PCNX1: variants seen among roughly 807,000 people sequenced by gnomAD.
PCNX1 encodes pecanex-like protein 1.
Under a neutral mutation model 242.2 loss-of-function variants are expected in PCNX1, and 78 were observed. The observed-to-expected ratio is 0.32, with a 90% CI of 0.27 to 0.39. The LOEUF (loss-of-function observed/expected upper bound fraction) is 0.39, where lower values mean the gene tolerates loss of function less well. Among genes scored for constraint, PCNX1 ranks in the 10% least tolerant of loss-of-function variants. The probability of loss-of-function intolerance (pLI) is 1.00; values close to 1 mark genes in which losing one functional copy is unlikely to be tolerated. For synonymous variants in PCNX1, 1,024 were observed against 1,032.9 expected (o/e 0.99, Z 0.17); for missense variants, 2,581 against 2,856.5 (o/e 0.90, Z 2.20).
At chr14:70,915,473 C>T (rs1457880607) in intron 1 of PCNX1, among the ~76,000 whole-genome samples, 1 of 152,108 alleles carries the variant, frequency 6.6e-6, no homozygotes, top group South Asian at 2.1e-4. Flanking sequence ...GTTTTAAATA[C>T]TACTTTGATT....
At chr14:71,049,813 G>A (rs908817944) in intron 22 of PCNX1, among the ~76,000 whole-genome samples, 1 of 152,174 alleles carries the variant, frequency 6.6e-6, no homozygotes, top group Non-Finnish European at 1.5e-5. Context: ...TATTTTAAAG[G>A]ATGAGGTGAT....
intron 11 of PCNX1, among the ~76,000 whole-genome samples, chr14:71,017,211 T>C (rs1047019502): frequency 6.6e-6 from 1 of 152,204 alleles, no homozygotes; most frequent in African/African-American, 2.4e-5. Context: ...CTTACATCTA[T>C]TAAATAAGTG....
In PCNX1 at chr14:70,907,580, G is replaced by T; in HGVS notation, c.-271G>T. On this transcript the variant is annotated 5_prime_UTR_variant, in exon 1 of 36. The change abolishes an upstream ATG in the 5' untranslated region. Coordinates refer to ENST00000304743, the MANE Select transcript of PCNX1 (RefSeq NM_014982.3). Reference sequence around the variant, plus strand: ...GGCTCCGGGTGTTAGGAGACAAGATGGCGGCGGCTCTCAGAAGGCCGGTCT... The same window carrying T: ...GGCTCCGGGTGTTAGGAGACAAGATTGCGGCGGCTCTCAGAAGGCCGGTCT... 1 of 200,320 alleles carries T rather than the reference G, an allele frequency of 5.0e-6. No individual in the cohort carries two copies. The highest frequency in any genetic ancestry group is 1.6e-4 in the South Asian group (1 of 6,152). 12.4% of individuals were successfully genotyped at this position (200,320 alleles called of 1,614,324 possible).
chr14:70,949,426 C>A (rs1464825449), intron 2 of PCNX1, among the ~76,000 whole-genome samples: 1 of 150,556 alleles, frequency 6.6e-6, no homozygotes, highest in African/African-American at 2.4e-5. Context: ...TACATATATA[C>A]ACGTATATAT....
At chr14:71,087,292 A>G (rs1469339817) in intron 28 of PCNX1, among the ~76,000 whole-genome samples, 1 of 152,208 alleles carries the variant, frequency 6.6e-6, no homozygotes, top group Non-Finnish European at 1.5e-5. Context: ...TGTAAGAGGT[A>G]ATATGTCTTT....
At chr14:70,961,486 A>C (rs575090302) in intron 2 of PCNX1, among the ~76,000 whole-genome samples, 11 of 152,246 alleles carry the variant, frequency 7.2e-5, no homozygotes, top group Admixed American at 1.3e-4. Context: ...AAACTGGATC[A>C]CTTCCTTACA....
Position 70,977,370 on chromosome 14 carries a change from T to C in PCNX1, c.1033T>C (p.Leu345=), listed in dbSNP as rs138233171. 924 of 1,614,152 alleles carry C rather than the reference T, an allele frequency of 5.7e-4. 6 individuals carry two copies. The African/African-American group carries it at 0.011, about 19-fold the overall frequency. ...LSGEFQLAGD[L]KINTSQPPTK... ...TGGGGAATTTCAGCTTGCTGGTGAC[T>C]TGAAAATCAATACTTCTCAGCCACC... Residue 345 remains leucine, a synonymous_variant, in exon 6 of 36, where the codon TTG becomes CTG. Transcript: ENST00000304743.
Position 70,974,483 on chromosome 14 carries a change from G to C in PCNX1, c.605-2459G>C, listed in dbSNP as rs79713351. ...TTTCTCATGTTATTACATAATCTTT[G>C]AAAATGTTTTTAGTGCCTGTATGAA... is the stretch of plus-strand genomic sequence containing the variant. On this transcript the variant is annotated intron_variant, in intron 5 of 35. Transcript: ENST00000304743. Among the ~76,000 whole-genome samples, 261 of 152,142 alleles carry C rather than the reference G, an allele frequency of 1.7e-3. 7 individuals are homozygous for C. The East Asian group carries it at 0.047, about 28-fold the overall frequency.
chr14:71,065,485 ATTTG>A (rs1294749741), intron 26 of PCNX1, among the ~76,000 whole-genome samples: 2 of 151,832 alleles, frequency 1.3e-5, no homozygotes, highest in African/African-American at 4.8e-5. Flanking sequence ...TTTCTTGTAG[ATTTG>A]TTTAAGTTAT....
rs1401368833 is a variant in PCNX1, at chr14:71,023,294, G to GTTTGTTT, written c.3183+73_3183+79dup. The GTTTGTTT allele has an allele frequency of 2.3e-6, 3 of 1,324,334 alleles. No individual in the cohort carries two copies. The African/African-American group carries it at 4.4e-5, about 19-fold the overall frequency. The allele number at this position is 1,324,334 out of a possible 1,614,324, so 82.0% of individuals were successfully genotyped here. On this transcript the variant is annotated intron_variant, in intron 13 of 35. Transcript: ENST00000304743. ...CTTAACATTTATCATAATATTTGTG[G>GTTTGTTT]TTTGTTTTTTGTTTTTTTGTTTTGT... is the stretch of plus-strand genomic sequence containing the variant.
intron 15 of PCNX1, chr14:71,027,095 A>G (rs933409155): frequency 1.9e-5 from 8 of 416,602 alleles, no homozygotes; most frequent in East Asian, 4.3e-5. Flanking sequence ...GCCAGGTATA[A>G]TGAAGCAGAT....
rs564464903 is a variant in PCNX1 at position 70,984,628 on chromosome 14, C to T, written c.2312-3939C>T. Among the ~76,000 whole-genome samples, 15 of 151,936 alleles carry T rather than the reference C, an allele frequency of 9.9e-5. 1 individual carries two copies. In the East Asian group the frequency reaches 1.7e-3, roughly 18 times the overall value. On this transcript the variant is annotated intron_variant, in intron 6 of 35. Coordinates refer to ENST00000304743, the MANE Select transcript of PCNX1 (RefSeq NM_014982.3). ...GTCTCAGTCTCCTGACCTTGTGATCCGCCTGGCTCGGCCTCCCAAAGTGCT... is the reference window on the plus strand; with the variant it reads ...GTCTCAGTCTCCTGACCTTGTGATCTGCCTGGCTCGGCCTCCCAAAGTGCT...
chr14:70,947,206 G>C, intron 2 of PCNX1, 83 bp downstream of exon 2: 2 of 1,046,642 alleles, frequency 1.9e-6, no homozygotes, highest in Non-Finnish European at 2.9e-6. Flanking sequence ...TATTGTACTT[G>C]TTTTCTTTAT....
Position 71,073,600 on chromosome 14 carries a change from T to C in PCNX1, c.4908T>C (p.Asp1636=), listed in dbSNP as rs777135658. The change falls in exon 27 of 36, where the codon GAT becomes GAC. Residue 1636 remains aspartate (D), a synonymous_variant. Transcript: ENST00000304743. ...CCATTACTGAAGGTGTAGAGGAAGA[T>C]GAAGGATTTTGCTGTTGTGAACCTG... is the stretch of plus-strand genomic sequence containing the variant. ...VEAITEGVEE[D]EGFCCCEPGH... 1.2e-6 allele frequency: 2 copies of C among 1,613,952 alleles called. No homozygotes were observed. The highest frequency in any genetic ancestry group is 2.2e-5 in the South Asian group (2 of 91,076).
chr14:71,000,800 A>G (rs2059483177), intron 8 of PCNX1, among the ~76,000 whole-genome samples: 1 of 152,180 alleles, frequency 6.6e-6, no homozygotes, highest in African/African-American at 2.4e-5. Context: ...TGCTGGGATT[A>G]TAGGCATGAG....
chr14:71,014,666 T>G (rs1162115009), intron 11 of PCNX1, among the ~76,000 whole-genome samples: 1 of 149,058 alleles, frequency 6.7e-6, no homozygotes, highest in Non-Finnish European at 1.5e-5. Context: ...GGCATAATAA[T>G]GGAAACTATC....
chr14:70,979,850 T>C (rs1473582477), intron 6 of PCNX1, among the ~76,000 whole-genome samples: 3 of 152,120 alleles, frequency 2.0e-5, no homozygotes, highest in Admixed American at 6.5e-5. Context: ...AAGAAGAATA[T>C]AGTTTATCAA....
chr14:71,076,455 G>T, intron 28 of PCNX1, 36 bp downstream of exon 28: 2 of 1,394,178 alleles, frequency 1.4e-6, no homozygotes, highest in African/African-American at 1.4e-5. Flanking sequence ...TTTGAATCCA[G>T]GTTTTTCCAA....
chr14:70,949,185 C>T (rs1039337520), intron 2 of PCNX1, among the ~76,000 whole-genome samples: 3 of 131,160 alleles, frequency 2.3e-5, no homozygotes, highest in Admixed American at 7.7e-5. Context: ...TACATCTCAG[C>T]ATTTACTCAT....
Sources: allele counts gnomAD v4.1 joint callset (sites outside exome capture counted in the v4.1 genomes callset), GRCh38; gene constraint gnomAD v4.1.1; transcripts MANE v1.5; gene names NCBI Gene and HGNC (gene_info 2026-07-23, HGNC 2026-07-21).